SPTBN5: variants seen among roughly 807,000 people sequenced by gnomAD.
The protein encoded by SPTBN5 is spectrin beta, non-erythrocytic 5.
A neutral mutation model predicts 477.6 loss-of-function variants in SPTBN5; 513 were observed. The observed-to-expected ratio is 1.07, with a 90% CI of 1.00 to 1.16. SPTBN5 has a LOEUF of 1.16. Ranked by LOEUF, SPTBN5 falls within the 50% of genes most tolerant of loss-of-function variation. The pLI is 0.00. For synonymous variants in SPTBN5, 2,169 were observed against 2,011.7 expected (o/e 1.08, Z -2.09); for missense variants, 5,062 against 4,731.8 (o/e 1.07, Z -2.05).
Position 41,879,276 on chromosome 15 carries a change from G to A in SPTBN5, c.3166C>T (p.Gln1056Ter). The change falls in exon 16 of 68, where the codon CAA (glutamine) becomes TAA (stop). Residue 1056 changes from glutamine (Q) to a stop codon, truncating the protein, a stop_gained. Coordinates refer to ENST00000320955, the MANE Select transcript of SPTBN5 (RefSeq NM_016642.4). LOFTEE classifies it high-confidence loss of function. ...LVLERRVHFLQSVVVKVEEPG... is the reference protein window; with the variant it reads ...LVLERRVHFL ...TGGCCGTACTTTACGACCACACTTT[G>A]GAGGAAGTGGACCCTCCTCTCCAGC... is the stretch of plus-strand genomic sequence containing the variant. 6.2e-7 allele frequency: 1 copy of A among 1,611,746 alleles called. No individual in the cohort carries two copies. Among genetic ancestry groups the A allele is most frequent in the Middle Eastern group, 1.7e-4 (1 of 5,946 alleles).
chr15:41,864,321 T>C (rs1046777692), intron 39 of SPTBN5, among the ~76,000 whole-genome samples: 3 of 152,202 alleles, frequency 2.0e-5, no homozygotes, highest in Non-Finnish European at 4.4e-5. Flanking sequence ...ACATGCTCAC[T>C]AACAGAGACT....
At position 41,874,962 on chromosome 15, in the gene SPTBN5, T is replaced by A. The variant is rs974110444; in HGVS notation, c.4382A>T (p.His1461Leu). 2 of 1,613,672 alleles carry A rather than the reference T, an allele frequency of 1.2e-6. No homozygotes were observed. The highest frequency in any genetic ancestry group is 2.7e-5 in the African/African-American group (2 of 75,050). ...LRSSQRLQKR[H>L]QQLESESRTL... The stretch of plus-strand genomic sequence containing the variant: ...CCGGCTCTCACTCTCCAGCTGTTGG[T>A]GCCGTTTCTGCAGCCTCTGGCTGGA... The change falls in exon 23 of 68, where the codon CAC (histidine) becomes CTC (leucine). Residue 1461 changes from histidine (H) to leucine (L), a missense_variant. Physicochemically the swap from His to Leu is moderately conservative, Grantham distance 99. Transcript: ENST00000320955.
At chr15:41,878,204 C>T in intron 17 of SPTBN5, 138 bp downstream of exon 17, 1 of 1,031,632 alleles carries the variant, frequency 9.7e-7, no homozygotes, top group Non-Finnish European at 1.4e-6. Context: ...CCTCAAGCAG[C>T]ATGCCAGACA....
chr15:41,868,107 C>T lies in SPTBN5; in HGVS notation c.6169G>A (p.Glu2057Lys). 2 of 1,603,564 alleles carry T rather than the reference C, an allele frequency of 1.2e-6. No individual in the cohort carries two copies. Among genetic ancestry groups the T allele is most frequent in the Non-Finnish European group, 1.7e-6 (2 of 1,176,690 alleles). Residue 2057 changes from glutamate to lysine, a missense_variant, in exon 34 of 68, where the codon GAG becomes AAG. Physicochemically the swap from Glu to Lys is moderately conservative, Grantham distance 56 (BLOSUM62 1). Coordinates refer to ENST00000320955, the MANE Select transcript of SPTBN5 (RefSeq NM_016642.4). ...AEQQEQLFLR[E>K]CGRLEEILAA... ...AGGATCTCCTCCAGGCGGCCGCACT[C>T]TCTGAGGAAGAGCTGCTCCTGCTGC...
In SPTBN5 at chr15:41,882,679, T is replaced by C; in HGVS notation, c.1952A>G (p.Glu651Gly). Residue 651 changes from glutamate to glycine, a missense_variant, in exon 10 of 68, where the codon GAG becomes GGG. Glu to Gly is a moderately conservative substitution (Grantham distance 98). Transcript: ENST00000320955. ...RAEFLRNCEEEEAWLKECGQR... is the reference protein window; with the variant it reads ...RAEFLRNCEEGEAWLKECGQR... Reference sequence around the variant, plus strand: ...TCCGCACTCCTTCAGCCAGGCTTCCTCCTCCTCACAGTTGCGCAGGAACTC... The same window carrying C: ...TCCGCACTCCTTCAGCCAGGCTTCCCCCTCCTCACAGTTGCGCAGGAACTC... 6.2e-7 allele frequency: 1 copy of C among 1,609,056 alleles called. No homozygotes were observed. Among genetic ancestry groups the C allele is most frequent in the Non-Finnish European group, 8.5e-7 (1 of 1,178,200 alleles).
chr15:41,885,673 G>A (rs1003358790), intron 7 of SPTBN5, 62 bp downstream of exon 7: 2 of 1,503,520 alleles, frequency 1.3e-6, no homozygotes, highest in African/African-American at 2.8e-5. Context: ...GACATGGAAG[G>A]ATGGGGGTGT....
In SPTBN5 at chr15:41,872,355, C is replaced by T. The variant is rs1311173224; in HGVS notation, c.5112G>A (p.Val1704=). Residue 1704 remains valine, a synonymous_variant, in exon 27 of 68, where the codon GTG becomes GTA. Coordinates refer to ENST00000320955, the MANE Select transcript of SPTBN5 (RefSeq NM_016642.4). The part of the protein sequence containing the change: ...GPEVPEQQRV[V]QERLREQLRA... ...GCAGCTGCTCCCGGAGCCTCTCCTG[C>T]ACCACACGCTGCTGCTCAGGGACTT... is the stretch of plus-strand genomic sequence containing the variant. The T allele has an allele frequency of 2.5e-6, 4 of 1,611,500 alleles. No individual in the cohort carries two copies. Among genetic ancestry groups the T allele is most frequent in the South Asian group, 2.2e-5 (2 of 90,738 alleles).
Position 41,848,513 on chromosome 15 carries a change from G to C in SPTBN5, c.*103C>G, listed in dbSNP as rs1012899004. ...GGGCCTGGGGAACTGGGTTGAAGCAGCCACGGGAAGGAGCCCTTTTGCCTG... is the reference window on the plus strand; with the variant it reads ...GGGCCTGGGGAACTGGGTTGAAGCACCCACGGGAAGGAGCCCTTTTGCCTG... On this transcript the variant is annotated 3_prime_UTR_variant, in exon 68 of 68. Transcript: ENST00000320955. 3.6e-6 allele frequency: 5 copies of C among 1,403,628 alleles called. No homozygotes were observed. Among genetic ancestry groups the C allele is most frequent in the Non-Finnish European group, 5.1e-6 (5 of 988,888 alleles). 86.9% of individuals were successfully genotyped at this position (1,403,628 alleles called of 1,614,324 possible).
intron 9 of SPTBN5, 39 bp from the exon 10 acceptor site, chr15:41,882,777 C>A: frequency 6.3e-7 from 1 of 1,591,856 alleles, no homozygotes; most frequent in Non-Finnish European, 8.6e-7. Flanking sequence ...CATGGGGAGT[C>A]GTGAGGCATG....
At chr15:41,863,004 C>A in intron 41 of SPTBN5, 101 bp from the exon 42 acceptor site, 1 of 1,083,086 alleles carries the variant, frequency 9.2e-7, no homozygotes, top group South Asian at 1.4e-5. Flanking sequence ...CAGCAAGTCC[C>A]CAGCGTGATT....
In SPTBN5 at chr15:41,876,897, G is replaced by T; in HGVS notation, c.3763C>A (p.Arg1255=). The part of the protein sequence containing the change: ...SLLQQHREFG[R]LLSTLGPRAE... ...CGAGGCCCCAGGGTGCTCAGGAGCC[G>T]CCCAAACTCCCGGTGCTGCTGCAGC... Residue 1255 remains arginine, a synonymous_variant, in exon 19 of 68, where the codon CGG becomes AGG. Coordinates refer to ENST00000320955, the MANE Select transcript of SPTBN5 (RefSeq NM_016642.4). 2.5e-6 allele frequency: 4 copies of T among 1,610,196 alleles called. No individual in the cohort carries two copies. Among genetic ancestry groups the T allele is most frequent in the South Asian group, 1.1e-5 (1 of 90,904 alleles).
rs1276728605 is a variant in SPTBN5, at chr15:41,853,769, C to G, written c.9793G>C (p.Glu3265Gln). 1.1e-5 allele frequency: 17 copies of G among 1,569,716 alleles called. No individual in the cohort carries two copies. The highest frequency in any genetic ancestry group is 2.3e-5 in the East Asian group (1 of 42,716). ...GTCTGTAGCCGTGCCACCTCCTTCT[C>G]CATAGCTTCCAGCTCTCTCTGCAAC... Reference protein sequence around the residue: ...RRLERELEAMEKEVARLQTEA... With the variant: ...RRLERELEAMQKEVARLQTEA... Residue 3265 changes from glutamate (E) to glutamine (Q), a missense_variant, in exon 58 of 68, where the codon GAG becomes CAG. Coordinates refer to ENST00000320955, the MANE Select transcript of SPTBN5 (RefSeq NM_016642.4).
At chr15:41,878,071 A>AG (rs1243303138) in intron 17 of SPTBN5, among the ~76,000 whole-genome samples, 2 of 152,228 alleles carry the variant, frequency 1.3e-5, no homozygotes, top group East Asian at 3.9e-4. Flanking sequence ...GCCCACCTGG[A>AG]GGGGGCCAGC....
chr15:41,876,452 G>C, intron 20 of SPTBN5, 96 bp downstream of exon 20: 1 of 1,343,574 alleles, frequency 7.4e-7, no homozygotes, highest in Non-Finnish European at 1.0e-6. Context: ...ATGACATAGC[G>C]CGTGAGGAAA....
Position 41,871,771 on chromosome 15 carries a change from C to A in SPTBN5, c.5301+11G>T. 6.4e-7 allele frequency: 1 copy of A among 1,568,676 alleles called. No homozygotes were observed. Among genetic ancestry groups the A allele is most frequent in the South Asian group, 1.2e-5 (1 of 84,206 alleles). On this transcript the variant is annotated intron_variant, in intron 28 of 67. Coordinates refer to ENST00000320955, the MANE Select transcript of SPTBN5 (RefSeq NM_016642.4). ...TCAGGGCACCCTCCTTGACCCTGGCCCTCTTCTCACCAGGGCGTGCTCGGG... is the reference window on the plus strand; with the variant it reads ...TCAGGGCACCCTCCTTGACCCTGGCACTCTTCTCACCAGGGCGTGCTCGGG...
At chr15:41,877,411 CCTT>C (rs1443101630) in intron 17 of SPTBN5, 55 bp from the exon 18 acceptor site, 9 of 1,568,682 alleles carry the variant, frequency 5.7e-6, no homozygotes, top group Admixed American at 3.6e-5. Flanking sequence ...TCGTCAGCCT[CCTT>C]CTCCTCTCAC....
Position 41,852,749 on chromosome 15 carries a change from T to G in SPTBN5, c.10348-14A>C. 6.2e-7 allele frequency: 1 copy of G among 1,606,780 alleles called. No homozygotes were observed. The highest frequency in any genetic ancestry group is 8.5e-7 in the Non-Finnish European group (1 of 1,175,248). Reference sequence around the variant, plus strand: ...TGACACTGAGTGCTGGGGAGAAGCATGTTCAGGTGACGCCCAGCTTGGGGG... The same window carrying G: ...TGACACTGAGTGCTGGGGAGAAGCAGGTTCAGGTGACGCCCAGCTTGGGGG... On this transcript the variant is annotated splice_polypyrimidine_tract_variant and intron_variant, in intron 60 of 67. Coordinates refer to ENST00000320955, the MANE Select transcript of SPTBN5 (RefSeq NM_016642.4).
chr15:41,874,366 G>A lies in SPTBN5; in HGVS notation c.4615C>T (p.His1539Tyr), dbSNP rs776084505. Residue 1539 changes from histidine (H) to tyrosine (Y), a missense_variant, in exon 24 of 68, where the codon CAC becomes TAC. Transcript: ENST00000320955. ...CTGGTGGGGCTGCCATGGGGCATGT[G>A]CTCGGCTACCCAAGAGAGCTCCATG... Reference protein sequence around the residue: ...SNMELSWVAEHMPHGSPTSYT... With the variant: ...SNMELSWVAEYMPHGSPTSYT... The A allele has an allele frequency of 6.2e-7, 1 of 1,613,864 alleles. No individual in the cohort carries two copies. The highest frequency in any genetic ancestry group is 8.5e-7 in the Non-Finnish European group (1 of 1,179,880).
chr15:41,852,721 ATC>A lies in SPTBN5; in HGVS notation c.10360_10361del (p.Asp3454CysfsTer69). ...LKPDYGHSVSDVELLLHRHQD... is the reference protein window; with the variant it reads ...LKPDYGHSVSXVELLLHRHQD... ...GGTGTCTGTGCAGCAGCAACTCCAC[ATC>A]TGACACTGAGTGCTGGGGAGAAGCA... On this transcript the variant is annotated frameshift_variant, in exon 61 of 68. Transcript: ENST00000320955. LOFTEE classifies it high-confidence loss of function. 6.2e-7 allele frequency: 1 copy of A among 1,612,306 alleles called. No homozygotes were observed.
Sources: gnomAD v4.1 joint callset for allele counts (sites outside exome capture counted in the v4.1 genomes callset) on GRCh38, gnomAD v4.1.1 for gene constraint, MANE v1.5 for transcripts, NCBI Gene and HGNC (gene_info 2026-07-23, HGNC 2026-07-21) for gene names.